ULK2: variants seen among roughly 807,000 people sequenced by gnomAD.
ULK2 encodes unc-51 like autophagy activating kinase 2.
In ULK2, 76 loss-of-function variants were observed where a neutral mutation model predicts 127.5. The ratio of observed to expected loss-of-function variants is 0.60; its 90% CI spans 0.50 to 0.72. The LOEUF (loss-of-function observed/expected upper bound fraction) is 0.72. ULK2 is among the 30% of genes least tolerant of loss of function. The pLI is 0.00. For synonymous variants in ULK2, 452 were observed against 461.9 expected, an observed-to-expected ratio of 0.98 and a Z score of 0.28; for missense variants, 1,144 against 1,295.9, an observed-to-expected ratio of 0.88 and a Z score of 1.80.
rs772549138 is a variant in ULK2 at position 19,795,719 on chromosome 17, G to A, written c.2004C>T (p.Val668=). ...QQSKAVFGRS[V]STGKLSDQQG... Reference sequence around the variant, plus strand: ...GTTGATCTGATAACTTCCCGGTACTGACAGATCTAAAAAGAATAGTGATGT... The same window carrying A: ...GTTGATCTGATAACTTCCCGGTACTAACAGATCTAAAAAGAATAGTGATGT... Residue 668 remains valine, a synonymous_variant, in exon 20 of 27, where the codon GTC becomes GTT. Coordinates refer to ENST00000395544, the MANE Select transcript of ULK2 (RefSeq NM_014683.4). The A allele has an allele frequency of 1.2e-6, 2 of 1,613,342 alleles. No homozygotes were observed. Among genetic ancestry groups the A allele is most frequent in the Non-Finnish European group, 1.7e-6 (2 of 1,179,410 alleles).
rs556387050 is a variant in ULK2, at chr17:19,860,593, C to T, written c.225+4210G>A. Among the ~76,000 whole-genome samples, 6 of 149,368 alleles carry T rather than the reference C, an allele frequency of 4.0e-5. No homozygotes were observed. In the East Asian group the frequency reaches 7.9e-4, roughly 20 times the overall value. ...AGGCTGGAGTGCAATGGCGCGATCT[C>T]GGCTCACTGCAATCTCCGCCTCTTC... On this transcript the variant is annotated intron_variant, in intron 3 of 26. Coordinates refer to ENST00000395544, the MANE Select transcript of ULK2 (RefSeq NM_014683.4).
At chr17:19,813,203 C>G (rs1156600502) in intron 13 of ULK2, among the ~76,000 whole-genome samples, 1 of 152,104 alleles carries the variant, frequency 6.6e-6, no homozygotes, top group Non-Finnish European at 1.5e-5. Flanking sequence ...ATTGCCCCCG[C>G]CATATCATTC....
At chr17:19,824,966 C>T in intron 12 of ULK2, 128 bp downstream of exon 12, 2 of 926,808 alleles carry the variant, frequency 2.2e-6, no homozygotes, top group South Asian at 1.7e-5. Context: ...TGTTCTTTCC[C>T]CCAAATCTCA....
intron 14 of ULK2, among the ~76,000 whole-genome samples, chr17:19,805,044 G>T (rs1388659065): frequency 2.5e-5 from 1 of 40,698 alleles, no homozygotes; most frequent in African/African-American, 4.4e-5. Flanking sequence ...GCATATTGAG[G>T]ACTAAGAATT....
chr17:19,838,284 AAT>A (rs1357630141), intron 10 of ULK2, among the ~76,000 whole-genome samples: 2 of 151,620 alleles, frequency 1.3e-5, no homozygotes, highest in African/African-American at 4.9e-5. Context: ...CTACCACTAG[AAT>A]ATATGTTACA....
chr17:19,800,178 T>TG (rs1363841228), intron 16 of ULK2, among the ~76,000 whole-genome samples: 6 of 152,202 alleles, frequency 3.9e-5, no homozygotes, highest in Non-Finnish European at 7.3e-5. Flanking sequence ...GTTGGACCTA[T>TG]GTCTTGGTCT....
chr17:19,833,618 G>A (rs778643934), intron 10 of ULK2, among the ~76,000 whole-genome samples: 2 of 152,126 alleles, frequency 1.3e-5, no homozygotes, highest in South Asian at 2.1e-4. Context: ...GCTGAGGCAG[G>A]AGACAGCGAC....
At position 19,846,729 on chromosome 17, in the gene ULK2, C is replaced by T. The variant is rs373584548; in HGVS notation, c.469+8G>A. On this transcript the variant is annotated splice_region_variant and intron_variant, in intron 6 of 26. Coordinates refer to ENST00000395544, the MANE Select transcript of ULK2 (RefSeq NM_014683.4). ...GTCCTTTCCATGACACAATACATGG[C>T]CATTTACCTATTTTGATGCGAATAC... 3.9e-5 allele frequency: 62 copies of T among 1,593,316 alleles called. No individual in the cohort carries two copies. Among genetic ancestry groups the T allele is most frequent in the Non-Finnish European group, 4.7e-5 (55 of 1,170,162 alleles).
At chr17:19,794,740 A>T (rs2087228723) in intron 20 of ULK2, among the ~76,000 whole-genome samples, 1 of 149,078 alleles carries the variant, frequency 6.7e-6, no homozygotes, top group Non-Finnish European at 1.5e-5. Flanking sequence ...AAAAAAAACA[A>T]GGAGATTACA....
chr17:19,783,762 G>A lies in ULK2; in HGVS notation c.2395C>T (p.Pro799Ser). ...GTGATGAGCCCCTCTAGGCTGGGGG[G>A]TGAAGCACCGTAAGGCACGTATCTC... The part of the protein sequence containing the change: ...SLRYVPYGAS[P>S]PSLEGLITFE... Residue 799 changes from proline to serine, a missense_variant, in exon 22 of 27, where the codon CCC becomes TCC. Physicochemically the swap from Pro to Ser is moderately conservative, Grantham distance 74. Transcript: ENST00000395544. The A allele has an allele frequency of 1.2e-6, 2 of 1,600,974 alleles. No homozygotes were observed. The highest frequency in any genetic ancestry group is 1.1e-5 in the South Asian group (1 of 88,108).
Position 19,777,615 on chromosome 17 carries a change from T to G in ULK2, c.3018A>C (p.Leu1006=), listed in dbSNP as rs971376011. The G allele has an allele frequency of 2.5e-6, 4 of 1,613,574 alleles. No homozygotes were observed. In the African/African-American group the frequency reaches 5.3e-5, roughly 22 times the overall value. ...CATTTTCAATATCTGCAGGGTCCTG[T>G]AGAATCCTACTTAGGCCTTCCAAAA... ...ALLLEGLSRI[L]QDPADIENVH... The change falls in exon 26 of 27, where the codon CTA becomes CTC. Residue 1006 remains leucine, a synonymous_variant. Coordinates refer to ENST00000395544, the MANE Select transcript of ULK2 (RefSeq NM_014683.4).
rs1397399952 is a variant in ULK2, at chr17:19,773,547, A to G, written c.*2802T>C. Reference sequence around the variant, plus strand: ...TTGTTTCTCTCAACTAAAGTTATCAAAATTGGGTGTTGTAATTTTTAACTT... The same window carrying G: ...TTGTTTCTCTCAACTAAAGTTATCAGAATTGGGTGTTGTAATTTTTAACTT... On this transcript the variant is annotated 3_prime_UTR_variant, in exon 27 of 27. Coordinates refer to ENST00000395544, the MANE Select transcript of ULK2 (RefSeq NM_014683.4). 2 of 152,176 alleles carry G rather than the reference A, an allele frequency of 1.3e-5. No homozygotes were observed. Among genetic ancestry groups the G allele is most frequent in the East Asian group, 3.9e-4 (2 of 5,194 alleles). 9.4% of individuals were successfully genotyped at this position (152,176 alleles called of 1,614,324 possible).
rs559279477 is a variant in ULK2, at chr17:19,799,677, T to A, written c.1442-102A>T. On this transcript the variant is annotated intron_variant, in intron 16 of 26. Transcript: ENST00000395544. Reference sequence around the variant, plus strand: ...CACATGCACAAATTGCACAGTAAACTACTGGTTAGAAAATTTTAAGTAACA... The same window carrying A: ...CACATGCACAAATTGCACAGTAAACAACTGGTTAGAAAATTTTAAGTAACA... 52 of 1,149,844 alleles carry A rather than the reference T, an allele frequency of 4.5e-5. No homozygotes were observed. The South Asian group carries it at 1.1e-3, about 24-fold the overall frequency. 71.2% of individuals were successfully genotyped at this position (1,149,844 alleles called of 1,614,324 possible).
chr17:19,784,624 G>A (rs2086990450), intron 21 of ULK2, among the ~76,000 whole-genome samples: 2 of 142,410 alleles, frequency 1.4e-5, no homozygotes, highest in African/African-American at 5.2e-5. Context: ...TCTGGGCTCA[G>A]GTAATTCTTT....
At chr17:19,834,372 T>G (rs574939225) in intron 10 of ULK2, among the ~76,000 whole-genome samples, 1 of 152,214 alleles carries the variant, frequency 6.6e-6, no homozygotes, top group South Asian at 2.1e-4. Context: ...CTTAGCCGAT[T>G]TAAAGGACAA....
rs887640538 is a variant in ULK2, at chr17:19,867,509, G to A, written c.-92C>T. On this transcript the variant is annotated 5_prime_UTR_variant, in exon 1 of 27. Coordinates refer to ENST00000395544, the MANE Select transcript of ULK2 (RefSeq NM_014683.4). Reference sequence around the variant, plus strand: ...GGCTCCGCGGGCCCGGAGCGCGCCAGCGTGCGGCGGGTCTGGGGCAGCCGC... The same window carrying A: ...GGCTCCGCGGGCCCGGAGCGCGCCAACGTGCGGCGGGTCTGGGGCAGCCGC... 1.6e-5 allele frequency: 16 copies of A among 973,814 alleles called. No individual in the cohort carries two copies. Among genetic ancestry groups the A allele is most frequent in the Non-Finnish European group, 2.1e-5 (15 of 728,568 alleles). The allele number at this position is 973,814 out of a possible 1,614,324, so 60.3% of individuals were successfully genotyped here. A position where few individuals can be genotyped will look rare whatever the true frequency, so the allele number is the denominator to read the frequency against.
chr17:19,781,914 T>C lies in ULK2; in HGVS notation c.2614A>G (p.Ile872Val), dbSNP rs2086926587. 6.2e-7 allele frequency: 1 copy of C among 1,613,920 alleles called. No homozygotes were observed. Among genetic ancestry groups the C allele is most frequent in the African/African-American group, 1.3e-5 (1 of 74,912 alleles). Reference sequence around the variant, plus strand: ...CCCCAGTCTTTGCTCAGCTGACTGATCTGGTCCACCACCACACTCTCCTGG... The same window carrying C: ...CCCCAGTCTTTGCTCAGCTGACTGACCTGGTCCACCACCACACTCTCCTGG... Reference protein sequence around the residue: ...QIQESVVVDQISQLSKDWGRV... With the variant: ...QIQESVVVDQVSQLSKDWGRV... Residue 872 changes from isoleucine (I) to valine (V), a missense_variant, in exon 23 of 27, where the codon ATC becomes GTC. Coordinates refer to ENST00000395544, the MANE Select transcript of ULK2 (RefSeq NM_014683.4).
At chr17:19,796,949 C>A (rs1156565936) in intron 18 of ULK2, among the ~76,000 whole-genome samples, 3 of 152,164 alleles carry the variant, frequency 2.0e-5, no homozygotes, top group Non-Finnish European at 4.4e-5. Flanking sequence ...AAGCATTCTG[C>A]AAATAAAGTA....
chr17:19,843,230 C>A lies in ULK2; in HGVS notation c.544-8G>T. On this transcript the variant is annotated splice_polypyrimidine_tract_variant and splice_region_variant and intron_variant, in intron 7 of 26. Transcript: ENST00000395544. ...CATAATAACCTCAGGAGCCTGGGAACAGAAAAATTTAAGGGGCATGCCGTA... is the reference window on the plus strand; with the variant it reads ...CATAATAACCTCAGGAGCCTGGGAAAAGAAAAATTTAAGGGGCATGCCGTA... 1 of 1,538,028 alleles carries A rather than the reference C, an allele frequency of 6.5e-7. No individual in the cohort carries two copies. Among genetic ancestry groups the A allele is most frequent in the Non-Finnish European group, 8.7e-7 (1 of 1,149,608 alleles).
Sources: gnomAD v4.1 joint callset for allele counts (sites outside exome capture counted in the v4.1 genomes callset) on GRCh38, gnomAD v4.1.1 for gene constraint, MANE v1.5 for transcripts, NCBI Gene and HGNC (gene_info 2026-07-23, HGNC 2026-07-21) for gene names.